Variants in SYN3 observed in about 807,000 individuals in gnomAD.
SYN3 encodes synapsin III.
In SYN3, 35 loss-of-function variants were observed where a neutral mutation model predicts 65.8. The observed-to-expected ratio is 0.53, with a 90% CI of 0.41 to 0.70. SYN3 has a LOEUF of 0.70. Among genes scored for constraint, SYN3 ranks in the 30% least tolerant of loss-of-function variants. SYN3 has a pLI of 0.00. For synonymous variants in SYN3, 270 were observed against 292.9 expected, an observed-to-expected ratio of 0.92 and a Z score of 0.80; for missense variants, 680 against 749.0, an observed-to-expected ratio of 0.91 and a Z score of 1.08.
chr22:33,030,568 G>A (rs2053731640), intron 1 of SYN3, among the ~76,000 whole-genome samples: 1 of 151,410 alleles, frequency 6.6e-6, no homozygotes, highest in Non-Finnish European at 1.5e-5. Context: ...TATAGAGACT[G>A]AGAGATAGAG....
At chr22:32,764,991 C>G (rs1489905116) in intron 6 of SYN3, among the ~76,000 whole-genome samples, 3 of 151,720 alleles carry the variant, frequency 2.0e-5, no homozygotes, top group South Asian at 4.2e-4. Flanking sequence ...CCCCCACCCT[C>G]TTGTCCTTCC....
In SYN3 at chr22:32,752,746, C is replaced by T. The variant is rs12157470; in HGVS notation, c.711+112169G>A. 3.2e-3 allele frequency among the ~76,000 whole-genome samples: 494 copies of T among 152,250 alleles called. 4 individuals carry two copies. Among genetic ancestry groups the T allele is most frequent in the African/African-American group, 0.011 (467 of 41,550 alleles). Reference sequence around the variant, plus strand: ...CCTTCTGGGGGTCCTGGCTCCTTGTCGATCTCTGATCGACAGGAGATCAGA... The same window carrying T: ...CCTTCTGGGGGTCCTGGCTCCTTGTTGATCTCTGATCGACAGGAGATCAGA... On this transcript the variant is annotated intron_variant, in intron 6 of 13. Coordinates refer to ENST00000358763, the MANE Select transcript of SYN3 (RefSeq NM_003490.4).
At chr22:32,870,105 T>C (rs2048809748) in intron 4 of SYN3, among the ~76,000 whole-genome samples, 1 of 152,208 alleles carries the variant, frequency 6.6e-6, no homozygotes, top group Non-Finnish European at 1.5e-5. Context: ...AGGGAGCACT[T>C]ATAACCATTT....
intron 6 of SYN3, among the ~76,000 whole-genome samples, chr22:32,670,802 C>T (rs2060349872): frequency 6.6e-6 from 1 of 152,230 alleles, no homozygotes; most frequent in African/African-American, 2.4e-5. Context: ...CGAGCATGTG[C>T]TACTTTTATC....
chr22:32,531,749 C>T (rs1411945357), intron 10 of SYN3, among the ~76,000 whole-genome samples: 7 of 151,846 alleles, frequency 4.6e-5, no homozygotes, highest in Admixed American at 4.6e-4. Flanking sequence ...TCCCATCTCC[C>T]CTGACCCCAC....
chr22:32,739,291 C>A (rs2061373737), intron 6 of SYN3, among the ~76,000 whole-genome samples: 1 of 152,094 alleles, frequency 6.6e-6, no homozygotes, highest in Non-Finnish European at 1.5e-5. Flanking sequence ...TCTTGTCTGC[C>A]ACCATGTAAG....
At chr22:32,932,552 G>A (rs2050661935) in intron 3 of SYN3, among the ~76,000 whole-genome samples, 1 of 152,192 alleles carries the variant, frequency 6.6e-6, no homozygotes, top group South Asian at 2.1e-4. Flanking sequence ...GAATGTCACA[G>A]TCACCAAGAG....
rs1040873155 is a variant in SYN3 at position 32,801,171 on chromosome 22, CAGAGAGAGAGAGAA to C, written c.711+63730_711+63743del. On this transcript the variant is annotated intron_variant, in intron 6 of 13. Transcript: ENST00000358763. This position sits in a 1 kb window ranked among gnomAD's most constrained non-coding sequence, Gnocchi z 4.7. ...TTCCCATATCCCAGAGAGTAAGAAC[CAGAGAGAGAGAGAA>C]AGAGAGAGAGTTTGGGTCTTTCTCC... Among the ~76,000 whole-genome samples, 3 of 152,062 alleles carry C rather than the reference CAGAGAGAGAGAGAA, an allele frequency of 2.0e-5. No homozygotes were observed. The highest frequency in any genetic ancestry group is 7.2e-5 in the African/African-American group (3 of 41,424).
chr22:33,028,984 G>A (rs1253252974), intron 1 of SYN3, among the ~76,000 whole-genome samples: 1 of 151,730 alleles, frequency 6.6e-6, no homozygotes, highest in Non-Finnish European at 1.5e-5. Flanking sequence ...AGCTTGCAGT[G>A]AGCCAAGATC....
chr22:32,765,279 G>A (rs1374396237), intron 6 of SYN3, among the ~76,000 whole-genome samples: 3 of 151,904 alleles, frequency 2.0e-5, no homozygotes, highest in African/African-American at 4.8e-5. Context: ...AGTACAAGGC[G>A]AGGAAAGAAA....
rs115825413 is a variant in SYN3, at chr22:33,050,760, A to G, written c.-163+7532T>C. On this transcript the variant is annotated intron_variant, in intron 1 of 13. Coordinates refer to ENST00000358763, the MANE Select transcript of SYN3 (RefSeq NM_003490.4). ...TCCCTCCCTCAGTACATCTGCCTGC[A>G]CAGCTCTAAATACCAGCCCTGCCAC... Among the ~76,000 whole-genome samples, 258 of 152,280 alleles carry G rather than the reference A, an allele frequency of 1.7e-3. 3 individuals carry two copies. Among genetic ancestry groups the G allele is most frequent in the African/African-American group, 6.1e-3 (252 of 41,558 alleles).
chr22:32,900,926 G>A (rs1328007658), intron 4 of SYN3, among the ~76,000 whole-genome samples: 2 of 152,204 alleles, frequency 1.3e-5, no homozygotes, highest in South Asian at 2.1e-4. Context: ...CATGACGGCA[G>A]CGGAAATATT....
At chr22:32,932,606 G>C (rs1601722408) in intron 3 of SYN3, among the ~76,000 whole-genome samples, 4 of 152,190 alleles carry the variant, frequency 2.6e-5, no homozygotes, top group African/African-American at 9.7e-5. Context: ...GCCAGCTACA[G>C]ACCTACCTTT....
At chr22:32,844,479 A>G (rs1301277363) in intron 6 of SYN3, among the ~76,000 whole-genome samples, 1 of 152,200 alleles carries the variant, frequency 6.6e-6, no homozygotes. Flanking sequence ...AGCTCTTACT[A>G]GCACTCTTGC....
intron 1 of SYN3, among the ~76,000 whole-genome samples, chr22:33,028,911 G>A (rs1176185934): frequency 1.3e-5 from 2 of 152,004 alleles, no homozygotes; most frequent in African/African-American, 2.4e-5. Flanking sequence ...GTGGTGGCGG[G>A]CGCCTGTAGT....
chr22:32,930,455 C>T (rs2050596476), intron 4 of SYN3, among the ~76,000 whole-genome samples: 1 of 152,120 alleles, frequency 6.6e-6, no homozygotes, highest in Non-Finnish European at 1.5e-5. Flanking sequence ...ATTACCCGGT[C>T]TCGAGTATAT....
chr22:32,786,641 C>G (rs2046201178), intron 6 of SYN3, among the ~76,000 whole-genome samples: 2 of 151,772 alleles, frequency 1.3e-5, no homozygotes, highest in African/African-American at 4.8e-5. Flanking sequence ...GGATTACAGG[C>G]GTGAGCCACC....
intron 6 of SYN3, among the ~76,000 whole-genome samples, chr22:32,668,372 C>T (rs1239285229): frequency 6.7e-6 from 1 of 148,786 alleles, no homozygotes; most frequent in African/African-American, 2.5e-5. Flanking sequence ...CCCCTTCCTT[C>T]ACTCCTTTCC....
intron 1 of SYN3, among the ~76,000 whole-genome samples, chr22:33,052,433 C>T (rs550138197): frequency 6.6e-6 from 1 of 152,280 alleles, no homozygotes; most frequent in Admixed American, 6.5e-5. Context: ...TCCTTCTCCT[C>T]CTCCGTAGTA....
Sources: allele counts gnomAD v4.1 joint callset (sites outside exome capture counted in the v4.1 genomes callset), GRCh38; gene constraint gnomAD v4.1.1; non-coding constraint Gnocchi (gnomAD v3.1); transcripts MANE v1.5; gene names NCBI Gene and HGNC (gene_info 2026-07-23, HGNC 2026-07-21).